RNF125: variants seen among roughly 807,000 people sequenced by gnomAD.
RNF125 encodes ring finger protein 125, also known as E3 ubiquitin-protein ligase RNF125.
RNF125 carries 21 observed loss-of-function variants against 26.0 expected under a neutral mutation model. The observed-to-expected ratio is 0.81, with a 90% CI of 0.57 to 1.16. The LOEUF (loss-of-function observed/expected upper bound fraction) is 1.16, where lower values mean the gene tolerates loss of function less well. Ranked by LOEUF, RNF125 falls within the 50% of genes most tolerant of loss-of-function variation. The probability of loss-of-function intolerance (pLI) is 0.00; values close to 1 mark genes in which losing one functional copy is unlikely to be tolerated. For missense variants in RNF125, 270 were observed against 299.4 expected (o/e 0.90, Z 0.72); for synonymous variants, 95 against 109.2 (o/e 0.87, Z 0.81).
chr18:32,082,799 T>C, the RNF125 span, among the ~76,000 whole-genome samples: 1 of 152,208 alleles, frequency 6.6e-6, no homozygotes, highest in African/African-American at 2.4e-5. Flanking sequence ...CTGTGATTCA[T>C]TGAAACCAAT....
At chr18:32,077,221 T>G (rs570473491), downstream of RNF125, among the ~76,000 whole-genome samples, 3 of 151,970 alleles carry the variant, frequency 2.0e-5, no homozygotes, top group African/African-American at 7.2e-5. Flanking sequence ...CAGCATGAAG[T>G]AGAAGGATTG....
Position 32,069,982 on chromosome 18 carries a change from T to A in RNF125, c.*1598T>A, listed in dbSNP as rs576462995. 1 of 152,342 alleles carries A rather than the reference T, an allele frequency of 6.6e-6. No individual in the cohort carries two copies. The highest frequency in any genetic ancestry group is 2.1e-4 in the South Asian group (1 of 4,822). 9.4% of individuals were successfully genotyped at this position (152,342 alleles called of 1,614,324 possible). On this transcript the variant is annotated 3_prime_UTR_variant, in exon 6 of 6. Coordinates refer to ENST00000217740, the MANE Select transcript of RNF125 (RefSeq NM_017831.4). The stretch of plus-strand genomic sequence containing the variant: ...CTTAGGTTCAGTCCTTTGGCAAGAC[T>A]GTAAATCACGGTGTCTTTCTTTCCT...
intron 1 of RNF125, among the ~76,000 whole-genome samples, chr18:32,030,682 G>A (rs919158326): frequency 1.3e-5 from 2 of 152,194 alleles, no homozygotes; most frequent in Non-Finnish European, 2.9e-5. Flanking sequence ...TGATGGGAAT[G>A]GGTATTTATC....
chr18:32,057,652 T>A (rs1034574687), intron 4 of RNF125, among the ~76,000 whole-genome samples: 2 of 152,218 alleles, frequency 1.3e-5, no homozygotes, highest in South Asian at 4.1e-4. Context: ...CTGTTTTTTT[T>A]ATAGGTACTG....
At chr18:32,084,529 A>G in the RNF125 span, among the ~76,000 whole-genome samples, 1 of 152,156 alleles carries the variant, frequency 6.6e-6, no homozygotes, top group Non-Finnish European at 1.5e-5. Context: ...TATCTGTTTC[A>G]TTGTTGGTTT....
Position 32,031,484 on chromosome 18 carries a change from GGGAAAAAAAAAAAAAA to G in RNF125, c.165-5631_165-5616del, listed in dbSNP as rs1478567608. 2.0e-4 allele frequency: 16 copies of G among 79,084 alleles called. No homozygotes were observed. In the East Asian group the frequency reaches 5.5e-3, roughly 27 times the overall value. The allele number at this position is 79,084 out of a possible 1,614,324, so 4.9% of individuals were successfully genotyped here. ...TGCATTGGCATACAACTCAAATTGT[GGGAAAAAAAAAAAAAA>G]AAAAAAAAAAAAGGGAAAACTGCTA... On this transcript the variant is annotated intron_variant, in intron 1 of 5. Coordinates refer to ENST00000217740, the MANE Select transcript of RNF125 (RefSeq NM_017831.4).
intron 2 of RNF125, among the ~76,000 whole-genome samples, chr18:32,038,764 C>CTTTATT (rs1244822725): frequency 1.3e-5 from 2 of 152,048 alleles, no homozygotes; most frequent in Middle Eastern, 3.4e-3. Flanking sequence ...GGGCTTATAT[C>CTTTATT]TTTATTTTTA....
At chr18:32,029,192 T>G (rs2039068596) in intron 1 of RNF125, among the ~76,000 whole-genome samples, 4 of 152,200 alleles carry the variant, frequency 2.6e-5, no homozygotes, top group African/African-American at 9.6e-5. Flanking sequence ...TTTATAATTT[T>G]AAGTGAACTT....
intron 4 of RNF125, among the ~76,000 whole-genome samples, chr18:32,060,537 A>G (rs2039425096): frequency 6.6e-6 from 1 of 152,222 alleles, no homozygotes; most frequent in Non-Finnish European, 1.5e-5. Flanking sequence ...TGTACACTGT[A>G]TAGTTGTTGG....
chr18:32,052,588 T>C (rs1467210976), intron 4 of RNF125, among the ~76,000 whole-genome samples: 1 of 152,144 alleles, frequency 6.6e-6, no homozygotes, highest in Non-Finnish European at 1.5e-5. Context: ...CCTTTTTTCT[T>C]CTTTGGGTAT....
chr18:32,025,534 A>T lies in RNF125; in HGVS notation c.164+6507A>T, dbSNP rs34005427. Among the ~76,000 whole-genome samples, 1,261 of 152,024 alleles carry T rather than the reference A, an allele frequency of 8.3e-3. 23 individuals are homozygous for T. The highest frequency in any genetic ancestry group is 0.029 in the African/African-American group (1,186 of 41,488). ...AAGAAAATTAGCCAGGGGTGGTGGC[A>T]GGCACCTGTAATTCCAGCAACTCAG... On this transcript the variant is annotated intron_variant, in intron 1 of 5. Coordinates refer to ENST00000217740, the MANE Select transcript of RNF125 (RefSeq NM_017831.4).
intron 4 of RNF125, among the ~76,000 whole-genome samples, chr18:32,048,172 G>A (rs990466516): frequency 5.3e-5 from 8 of 151,596 alleles, no homozygotes; most frequent in African/African-American, 1.9e-4. Flanking sequence ...AGCACTTTGG[G>A]AGGCTGAGGC....
chr18:32,050,583 C>T (rs2039314040), intron 4 of RNF125, among the ~76,000 whole-genome samples: 1 of 151,866 alleles, frequency 6.6e-6, no homozygotes, highest in African/African-American at 2.4e-5. Context: ...GAGCTATCCT[C>T]CCACCTTGGC....
At chr18:32,041,619 G>GC (rs1388564682) in intron 2 of RNF125, among the ~76,000 whole-genome samples, 4 of 75,890 alleles carry the variant, frequency 5.3e-5, no homozygotes, top group Non-Finnish European at 5.3e-5. Flanking sequence ...AAATGTAGAT[G>GC]CTTTTTTTTT....
the RNF125 span, among the ~76,000 whole-genome samples, chr18:32,084,788 T>TC: frequency 6.6e-6 from 1 of 152,184 alleles, no homozygotes; most frequent in African/African-American, 2.4e-5. Flanking sequence ...CCGGGGCTAC[T>TC]CATATGAACA....
At chr18:32,073,641 C>T (rs1207801007), downstream of RNF125, among the ~76,000 whole-genome samples, 2 of 152,194 alleles carry the variant, frequency 1.3e-5, no homozygotes, top group Admixed American at 1.3e-4. Context: ...CCTGCTAAAT[C>T]CATACTAAGT....
intron 4 of RNF125, among the ~76,000 whole-genome samples, chr18:32,057,430 G>A (rs2039396492): frequency 6.6e-6 from 1 of 151,654 alleles, no homozygotes; most frequent in Admixed American, 6.6e-5. Flanking sequence ...TGCCTCCCGG[G>A]TTTAAGCGAT....
chr18:32,037,951 A>G (rs2144465935), intron 2 of RNF125, among the ~76,000 whole-genome samples: 1 of 152,162 alleles, frequency 6.6e-6, no homozygotes, highest in Non-Finnish European at 1.5e-5. Flanking sequence ...TAGCAGTGAC[A>G]ACCGGCTTGG....
intron 1 of RNF125, among the ~76,000 whole-genome samples, chr18:32,028,483 C>T (rs900855055): frequency 1.3e-5 from 2 of 151,814 alleles, no homozygotes; most frequent in Non-Finnish European, 2.9e-5. Flanking sequence ...TTCTCTCCCC[C>T]ACAACATGCA....
Sources: gnomAD v4.1 joint callset for allele counts (sites outside exome capture counted in the v4.1 genomes callset) on GRCh38, gnomAD v4.1.1 for gene constraint, MANE v1.5 for transcripts, NCBI Gene and HGNC (gene_info 2026-07-23, HGNC 2026-07-21) for gene names.